Variants in GALNT16 observed in about 807,000 individuals in gnomAD.
The protein encoded by GALNT16 is UDP-GalNAc:polypeptide N-acetylgalactosaminyltransferase-like protein 1.
Under a neutral mutation model 76.1 loss-of-function variants are expected in GALNT16, and 40 were observed. The observed-to-expected ratio is 0.53, with a 90% CI of 0.41 to 0.68. The LOEUF (loss-of-function observed/expected upper bound fraction) is 0.68, where lower values mean the gene tolerates loss of function less well. GALNT16 is among the 30% of genes least tolerant of loss of function. GALNT16 has a pLI of 0.00. For synonymous variants in GALNT16, 276 were observed against 285.2 expected (o/e 0.97, Z 0.32); for missense variants, 621 against 731.9 (o/e 0.85, Z 1.75).
At position 69,317,640 on chromosome 14, in the gene GALNT16, A is replaced by G. The variant is rs75222256; in HGVS notation, c.178-3071A>G. Among the ~76,000 whole-genome samples the G allele has an allele frequency of 1.9e-3, 292 of 152,354 alleles. 6 individuals are homozygous for G. In the East Asian group the frequency reaches 0.051, roughly 27 times the overall value. ...GAATACACAGGGCAGACATTGAATC[A>G]GGCTATGGAGCATGGGAGGGCATCA... On this transcript the variant is annotated intron_variant, in intron 1 of 14. Transcript: ENST00000448469.
At chr14:69,369,149 A>C in the GALNT16 span, among the ~76,000 whole-genome samples, 2 of 152,156 alleles carry the variant, frequency 1.3e-5, no homozygotes, top group African/African-American at 4.8e-5. Context: ...ACTATTGCAG[A>C]TGATAACTGA....
At chr14:69,369,951 G>T in the GALNT16 span, among the ~76,000 whole-genome samples, 1 of 152,196 alleles carries the variant, frequency 6.6e-6, no homozygotes, top group Non-Finnish European at 1.5e-5. Flanking sequence ...CACACTGAGT[G>T]AGGCTGGGCA....
the GALNT16 span, among the ~76,000 whole-genome samples, chr14:69,370,568 T>A: frequency 2.0e-5 from 3 of 152,172 alleles, no homozygotes; most frequent in Non-Finnish European, 4.4e-5. Context: ...CTTTTCATTA[T>A]GGAAAGTTTC....
the GALNT16 span, among the ~76,000 whole-genome samples, chr14:69,384,626 T>G: frequency 2.0e-5 from 3 of 152,212 alleles, no homozygotes; most frequent in Non-Finnish European, 4.4e-5. Context: ...CATTAATTTT[T>G]AATCAATGCA....
intron 2 of GALNT16, among the ~76,000 whole-genome samples, chr14:69,322,923 GGGGTGTGTGTGTGTGTGTGTGTGTGTGT>G (rs2045210465): frequency 9.5e-6 from 1 of 105,098 alleles, no homozygotes; most frequent in South Asian, 4.2e-4. Context: ...GGTGGCTCAC[GGGGTGTGTGTGTGTGTGTGTGTGTGTGT>G]GTGTGTGTGT....
At chr14:69,355,279 G>C (rs895913721), downstream of GALNT16, 2 of 152,292 alleles carry the variant, frequency 1.3e-5, no homozygotes, top group Non-Finnish European at 2.9e-5. Context: ...AGCCCTAGCT[G>C]GCTGCAGAGA....
chr14:69,263,238 A>G (rs2044300093), intron 1 of GALNT16, among the ~76,000 whole-genome samples: 1 of 152,160 alleles, frequency 6.6e-6, no homozygotes, highest in Admixed American at 6.5e-5. Context: ...ATTGTATTAT[A>G]TTCATATCTC....
At chr14:69,312,788 A>T (rs973022240) in intron 1 of GALNT16, among the ~76,000 whole-genome samples, 1 of 152,194 alleles carries the variant, frequency 6.6e-6, no homozygotes, top group Non-Finnish European at 1.5e-5. Context: ...CCAAGGAAGG[A>T]AGCGACCTCC....
intron 1 of GALNT16, among the ~76,000 whole-genome samples, chr14:69,315,240 G>A (rs965312231): frequency 6.6e-6 from 1 of 152,216 alleles, no homozygotes; most frequent in Non-Finnish European, 1.5e-5. Flanking sequence ...TGTCCAAGGT[G>A]AGACAGTAAT....
intron 1 of GALNT16, among the ~76,000 whole-genome samples, chr14:69,311,567 T>C (rs2045020617): frequency 6.6e-6 from 1 of 152,216 alleles, no homozygotes; most frequent in Non-Finnish European, 1.5e-5. Context: ...TCTGCCTTTG[T>C]CATGCTCTGT....
chr14:69,262,130 G>C lies in GALNT16; in HGVS notation c.177+1663G>C, dbSNP rs116312580. Among the ~76,000 whole-genome samples the C allele has an allele frequency of 5.0e-3, 767 of 152,336 alleles. 4 individuals carry two copies. Among genetic ancestry groups the C allele is most frequent in the African/African-American group, 0.017 (713 of 41,574 alleles). ...AGGAAGAGCCCTAGTCTCAGGCAAG[G>C]CAGGCTGGCCAGATGCTCTGTCCCT... On this transcript the variant is annotated intron_variant, in intron 1 of 14. Coordinates refer to ENST00000448469, the MANE Select transcript of GALNT16 (RefSeq NM_001168368.2).
intron 1 of GALNT16, among the ~76,000 whole-genome samples, chr14:69,312,259 A>AT (rs1298717494): frequency 6.6e-6 from 1 of 151,986 alleles, no homozygotes; most frequent in Admixed American, 6.6e-5. Flanking sequence ...TCTAAAAAAA[A>AT]TTTTTTTTAA....
At chr14:69,315,275 C>A (rs1347351958) in intron 1 of GALNT16, among the ~76,000 whole-genome samples, 1 of 152,290 alleles carries the variant, frequency 6.6e-6, no homozygotes, top group Non-Finnish European at 1.5e-5. Context: ...AGAAAAAAGT[C>A]ATTATTTCAA....
intron 14 of GALNT16, chr14:69,350,532 C>T (rs748505205): frequency 6.6e-6 from 1 of 152,320 alleles, no homozygotes; most frequent in African/African-American, 2.4e-5. Flanking sequence ...CCTTTAGGCT[C>T]TCTGCGGGGG....
intron 12 of GALNT16, among the ~76,000 whole-genome samples, chr14:69,346,338 T>C (rs2140198983): frequency 6.6e-6 from 1 of 152,326 alleles, no homozygotes; most frequent in African/African-American, 2.4e-5. Flanking sequence ...TTTTACAACA[T>C]TTATAATTAT....
At chr14:69,336,183 C>T (rs985761789) in intron 9 of GALNT16, among the ~76,000 whole-genome samples, 3 of 152,162 alleles carry the variant, frequency 2.0e-5, no homozygotes, top group Non-Finnish European at 4.4e-5. Flanking sequence ...CAATCTTACT[C>T]ATTGCACTCT....
intron 1 of GALNT16, among the ~76,000 whole-genome samples, chr14:69,262,942 T>G (rs1171010122): frequency 6.6e-6 from 1 of 151,568 alleles, no homozygotes; most frequent in Non-Finnish European, 1.5e-5. Context: ...TGAGGTGGCA[T>G]GATCTCGGCT....
intron 1 of GALNT16, among the ~76,000 whole-genome samples, chr14:69,319,874 G>A (rs116675719): frequency 1.5e-3 from 224 of 152,350 alleles, no homozygotes; most frequent in African/African-American, 5.1e-3. Flanking sequence ...GCCTGCAGGG[G>A]TTTGCTGTCC....
At chr14:69,283,660 C>T (rs2044572786) in intron 1 of GALNT16, among the ~76,000 whole-genome samples, 1 of 152,146 alleles carries the variant, frequency 6.6e-6, no homozygotes, top group African/African-American at 2.4e-5. Flanking sequence ...GCTGTGTGAC[C>T]TCAGGCAAGT....
Sources: gnomAD v4.1 joint callset for allele counts (sites outside exome capture counted in the v4.1 genomes callset) on GRCh38, gnomAD v4.1.1 for gene constraint, MANE v1.5 for transcripts, NCBI Gene and HGNC (gene_info 2026-07-23, HGNC 2026-07-21) for gene names.